ST6GALNAC3: variants seen among roughly 807,000 people sequenced by gnomAD.
ST6GALNAC3 encodes the protein alpha-N-acetylgalactosaminide alpha-2,6-sialyltransferase 3.
A neutral mutation model predicts 32.7 loss-of-function variants in ST6GALNAC3; 25 were observed. That is an observed-to-expected ratio of 0.76 (90% confidence interval 0.56 to 1.07). The LOEUF (loss-of-function observed/expected upper bound fraction) is 1.07. ST6GALNAC3 is among the 50% of genes least tolerant of loss of function. ST6GALNAC3 has a pLI of 0.00. For missense variants in ST6GALNAC3, 355 were observed against 382.4 expected, an observed-to-expected ratio of 0.93 and a Z score of 0.60; for synonymous variants, 129 against 133.1, an observed-to-expected ratio of 0.97 and a Z score of 0.21.
At chr1:76,371,012 C>T (rs1650771794) in intron 2 of ST6GALNAC3, among the ~76,000 whole-genome samples, 1 of 152,006 alleles carries the variant, frequency 6.6e-6, no homozygotes, top group African/African-American at 2.4e-5. Context: ...TATTGTCTGC[C>T]TCACACTTTA....
At chr1:76,172,013 C>T (rs1652548890) in intron 1 of ST6GALNAC3, among the ~76,000 whole-genome samples, 2 of 152,038 alleles carry the variant, frequency 1.3e-5, no homozygotes, top group Admixed American at 6.5e-5. Flanking sequence ...GATACCAAAA[C>T]TGGGAAGAGA....
At chr1:76,254,441 A>G (rs754288022) in intron 1 of ST6GALNAC3, among the ~76,000 whole-genome samples, 30 of 152,266 alleles carry the variant, frequency 2.0e-4, no homozygotes, top group Admixed American at 7.2e-4. Context: ...GAAAATGACA[A>G]TTACTCTCCT....
At chr1:76,487,346 G>A (rs1213486715) in intron 3 of ST6GALNAC3, among the ~76,000 whole-genome samples, 3 of 152,030 alleles carry the variant, frequency 2.0e-5, no homozygotes, top group Admixed American at 1.3e-4. Flanking sequence ...CATTCTCCCC[G>A]TCACTTTCAG....
At chr1:76,284,595 A>G (rs766563779) in intron 1 of ST6GALNAC3, among the ~76,000 whole-genome samples, 3 of 150,906 alleles carry the variant, frequency 2.0e-5, no homozygotes, top group Non-Finnish European at 4.4e-5. Flanking sequence ...ATTTTATTCT[A>G]TTTCCCAGGG....
chr1:76,146,147 G>A (rs1450232969), intron 1 of ST6GALNAC3, among the ~76,000 whole-genome samples: 1 of 152,192 alleles, frequency 6.6e-6, no homozygotes, highest in Non-Finnish European at 1.5e-5. Flanking sequence ...AATGATTTAA[G>A]CTGTTCTTTA....
At chr1:76,343,277 T>C (rs1395277379) in intron 2 of ST6GALNAC3, among the ~76,000 whole-genome samples, 1 of 152,216 alleles carries the variant, frequency 6.6e-6, no homozygotes, top group East Asian at 1.9e-4. Flanking sequence ...GAGTAAACTT[T>C]GTTTTTTTAG....
chr1:76,548,959 T>C (rs1664459873), intron 3 of ST6GALNAC3, among the ~76,000 whole-genome samples: 1 of 152,142 alleles, frequency 6.6e-6, no homozygotes, highest in Non-Finnish European at 1.5e-5. Flanking sequence ...TTAATAAACA[T>C]GGTTTGATTT....
intron 3 of ST6GALNAC3, among the ~76,000 whole-genome samples, chr1:76,610,443 T>G (rs1354768110): frequency 6.6e-6 from 1 of 152,010 alleles, no homozygotes; most frequent in Non-Finnish European, 1.5e-5. Flanking sequence ...CAAAGTTAGG[T>G]CAGGGAAGCA....
At chr1:76,304,316 C>G (rs1321475666) in intron 1 of ST6GALNAC3, among the ~76,000 whole-genome samples, 1 of 151,992 alleles carries the variant, frequency 6.6e-6, no homozygotes, top group Non-Finnish European at 1.5e-5. Flanking sequence ...GAATCTTTCT[C>G]TCCTTCCCTC....
chr1:76,233,375 A>G (rs1490698450), intron 1 of ST6GALNAC3, among the ~76,000 whole-genome samples: 2 of 152,212 alleles, frequency 1.3e-5, no homozygotes, highest in African/African-American at 4.8e-5. Context: ...AGTTGAGAAT[A>G]ATCTAACATG....
At chr1:76,264,065 T>C (rs1194252755) in intron 1 of ST6GALNAC3, among the ~76,000 whole-genome samples, 1 of 152,164 alleles carries the variant, frequency 6.6e-6, no homozygotes, top group Admixed American at 6.5e-5. Context: ...TTGTACAATA[T>C]ACAGAAACAA....
At chr1:76,093,748 C>T (rs987499728) in intron 1 of ST6GALNAC3, among the ~76,000 whole-genome samples, 3 of 152,186 alleles carry the variant, frequency 2.0e-5, no homozygotes, top group African/African-American at 4.8e-5. Context: ...ACTAACCTCA[C>T]TTCATCAGTT....
intron 1 of ST6GALNAC3, among the ~76,000 whole-genome samples, chr1:76,118,472 T>G (rs1485112298): frequency 6.6e-6 from 1 of 152,204 alleles, no homozygotes; most frequent in Non-Finnish European, 1.5e-5. Context: ...CCTTCTCATT[T>G]TATAGACAGA....
intron 1 of ST6GALNAC3, among the ~76,000 whole-genome samples, chr1:76,171,284 T>TA (rs1278991337): frequency 1.3e-5 from 2 of 152,056 alleles, no homozygotes; most frequent in Admixed American, 6.6e-5. Flanking sequence ...GTATTAAATT[T>TA]AAAAAACAAC....
chr1:76,514,752 ATTACCCAGTC>A (rs1359791820), intron 3 of ST6GALNAC3, among the ~76,000 whole-genome samples: 2 of 152,136 alleles, frequency 1.3e-5, no homozygotes, highest in Admixed American at 1.3e-4. Flanking sequence ...TTCTTTATAA[ATTACCCAGTC>A]TCTGGTATTC....
chr1:76,611,864 G>T (rs1647955574), intron 3 of ST6GALNAC3, among the ~76,000 whole-genome samples: 1 of 152,072 alleles, frequency 6.6e-6, no homozygotes, highest in African/African-American at 2.4e-5. Context: ...TTTTCCTGTT[G>T]CATTGCCTTC....
At chr1:76,280,729 A>G (rs1259888329) in intron 1 of ST6GALNAC3, among the ~76,000 whole-genome samples, 13 of 152,218 alleles carry the variant, frequency 8.5e-5, no homozygotes, top group Non-Finnish European at 1.0e-4. Context: ...CTCTTTACAA[A>G]TCTCAGATTC....
At chr1:76,239,516 G>T (rs554469298) in intron 1 of ST6GALNAC3, among the ~76,000 whole-genome samples, 1 of 152,202 alleles carries the variant, frequency 6.6e-6, no homozygotes, top group South Asian at 2.1e-4. Context: ...AAGGCAAAGG[G>T]GGAGCAGGTG....
At chr1:76,398,384 T>G (rs4949715) in intron 2 of ST6GALNAC3, among the ~76,000 whole-genome samples, 109,314 of 151,910 alleles carry the variant, frequency 0.72, 39,749 homozygotes, top group South Asian at 0.87. Context: ...CAGTGGTATC[T>G]TTCTGGTATT....
Sources: allele counts gnomAD v4.1 joint callset (sites outside exome capture counted in the v4.1 genomes callset), GRCh38; gene constraint gnomAD v4.1.1; transcripts MANE v1.5; gene names NCBI Gene and HGNC (gene_info 2026-07-23, HGNC 2026-07-21).